MEMO1: variants seen among roughly 807,000 people sequenced by gnomAD.
MEMO1 encodes protein MEMO1.
A neutral mutation model predicts 45.2 loss-of-function variants in MEMO1; 6 were observed. The ratio of observed to expected loss-of-function variants is 0.13; its 90% CI spans 0.07 to 0.26. The LOEUF (loss-of-function observed/expected upper bound fraction) is 0.26. Among genes scored for constraint, MEMO1 ranks in the 10% least tolerant of loss-of-function variants. The pLI is 1.00. For synonymous variants in MEMO1, 78 were observed against 124.3 expected (o/e 0.63, Z 2.48); for missense variants, 184 against 370.5 (o/e 0.50, Z 4.13).
At chr2:31,946,583 C>T (rs1034025507) in intron 2 of MEMO1, among the ~76,000 whole-genome samples, 29 of 152,286 alleles carry the variant, frequency 1.9e-4, no homozygotes, top group Admixed American at 9.8e-4. Context: ...AACACCGGGC[C>T]AGGCGCGGTG....
chr2:31,944,887 T>A lies in MEMO1; in HGVS notation c.62-1504A>T, dbSNP rs1358726579. On this transcript the variant is annotated intron_variant, in intron 2 of 9. Transcript: ENST00000404530. ...CATTACAAAAGAATCTAGGTAATAA[T>A]ATAACAAACACACACATACCCACTG... 2.6e-5 allele frequency among the ~76,000 whole-genome samples: 4 copies of A among 152,138 alleles called. No individual in the cohort carries two copies. In the East Asian group the frequency reaches 7.7e-4, roughly 29 times the overall value.
chr2:31,969,962 C>T (rs1669184932), intron 2 of MEMO1, among the ~76,000 whole-genome samples: 2 of 151,132 alleles, frequency 1.3e-5, no homozygotes, highest in African/African-American at 4.9e-5. Context: ...CACAAGTTCA[C>T]TTTTCTCTTT....
At chr2:31,957,747 A>G (rs1667566774) in intron 2 of MEMO1, among the ~76,000 whole-genome samples, 1 of 152,362 alleles carries the variant, frequency 6.6e-6, no homozygotes, top group African/African-American at 2.4e-5. Flanking sequence ...CAGTTACAAC[A>G]GTTTTATTTG....
chr2:31,906,427 G>A (rs553139189), intron 6 of MEMO1, among the ~76,000 whole-genome samples: 4 of 151,770 alleles, frequency 2.6e-5, no homozygotes, highest in South Asian at 2.1e-4. Flanking sequence ...AAGTTCAAGC[G>A]ATTCTCCTTT....
At chr2:31,924,962 T>C (rs1330182063) in intron 4 of MEMO1, among the ~76,000 whole-genome samples, 1 of 152,224 alleles carries the variant, frequency 6.6e-6, no homozygotes, top group Non-Finnish European at 1.5e-5. Flanking sequence ...TTAAAGCCTT[T>C]TATGGCATTT....
intron 4 of MEMO1, among the ~76,000 whole-genome samples, chr2:31,922,361 A>T (rs1292958898): frequency 3.3e-5 from 5 of 151,550 alleles, no homozygotes; most frequent in East Asian, 1.9e-4. Flanking sequence ...AAAAAAAAAG[A>T]AAGTTGTGGG....
intron 4 of MEMO1, among the ~76,000 whole-genome samples, chr2:31,922,942 CAT>C (rs1175401439): frequency 1.3e-5 from 2 of 152,020 alleles, no homozygotes; most frequent in Non-Finnish European, 2.9e-5. Flanking sequence ...CACATGTGTA[CAT>C]ATGTCTTTAT....
chr2:31,974,796 A>T (rs953854509), intron 2 of MEMO1, among the ~76,000 whole-genome samples: 1 of 152,010 alleles, frequency 6.6e-6, no homozygotes, highest in Non-Finnish European at 1.5e-5. Flanking sequence ...CCAAAAAAAA[A>T]TTGGTAGTGA....
At chr2:31,870,184 C>T (rs1673485720) in intron 8 of MEMO1, among the ~76,000 whole-genome samples, 1 of 152,080 alleles carries the variant, frequency 6.6e-6, no homozygotes. Context: ...AGTTTATTTT[C>T]TCCAAACTCC....
At chr2:32,003,633 G>A (rs959964931) in intron 2 of MEMO1, among the ~76,000 whole-genome samples, 2 of 152,152 alleles carry the variant, frequency 1.3e-5, no homozygotes, top group African/African-American at 4.8e-5. Context: ...AAACATGAAA[G>A]ATAAAAAGAG....
At chr2:31,960,066 G>A (rs556923286) in intron 2 of MEMO1, among the ~76,000 whole-genome samples, 5 of 152,156 alleles carry the variant, frequency 3.3e-5, no homozygotes, top group East Asian at 1.9e-4. Context: ...GTGTGGCGGC[G>A]CATGCCTATA....
intron 2 of MEMO1, among the ~76,000 whole-genome samples, chr2:31,979,023 G>A (rs1670337086): frequency 6.6e-6 from 1 of 152,128 alleles, no homozygotes; most frequent in South Asian, 2.1e-4. Context: ...TCAAGACTGG[G>A]TAATTTATAA....
intron 6 of MEMO1, among the ~76,000 whole-genome samples, chr2:31,908,394 T>C (rs530082781): frequency 2.1e-4 from 32 of 152,258 alleles, no homozygotes; most frequent in African/African-American, 7.7e-4. Context: ...AGATTTCCAG[T>C]TTCTAACCTA....
chr2:31,955,853 T>C (rs1391164414), intron 2 of MEMO1, among the ~76,000 whole-genome samples: 1 of 152,092 alleles, frequency 6.6e-6, no homozygotes, highest in African/African-American at 2.4e-5. Flanking sequence ...GGTGATCCAC[T>C]AGCCTCAGCC....
intron 4 of MEMO1, among the ~76,000 whole-genome samples, chr2:31,923,974 CT>C (rs1682711364): frequency 6.6e-6 from 1 of 152,154 alleles, no homozygotes; most frequent in Admixed American, 6.5e-5. Context: ...CCCCACCAAT[CT>C]GAATTAACCA....
chr2:31,922,516 G>A (rs967202391), intron 4 of MEMO1, among the ~76,000 whole-genome samples: 17 of 152,084 alleles, frequency 1.1e-4, no homozygotes, highest in East Asian at 1.9e-4. Flanking sequence ...GTACCTGTAC[G>A]GGTTTGTAAT....
chr2:31,875,264 G>A (rs1674394718), intron 8 of MEMO1, among the ~76,000 whole-genome samples: 1 of 152,098 alleles, frequency 6.6e-6, no homozygotes, highest in African/African-American at 2.4e-5. Flanking sequence ...AGTAATTTGG[G>A]ATATCTAAAG....
intron 8 of MEMO1, among the ~76,000 whole-genome samples, chr2:31,872,065 T>C (rs1572524950): frequency 7.3e-6 from 1 of 137,388 alleles, no homozygotes; most frequent in African/African-American, 2.8e-5. Context: ...CTATATAAAC[T>C]ATATCATAAT....
chr2:31,966,910 G>C (rs902565184), intron 2 of MEMO1, among the ~76,000 whole-genome samples: 1 of 151,898 alleles, frequency 6.6e-6, no homozygotes, highest in Non-Finnish European at 1.5e-5. Flanking sequence ...ATCTCTATAC[G>C]TTCAAACTTT....
Sources: allele counts gnomAD v4.1 joint callset (sites outside exome capture counted in the v4.1 genomes callset), GRCh38; gene constraint gnomAD v4.1.1; transcripts MANE v1.5; gene names NCBI Gene and HGNC (gene_info 2026-07-23, HGNC 2026-07-21).